Variants in CEACAM21 observed in about 807,000 individuals in gnomAD.
CEACAM21 encodes the protein cell adhesion molecule CEACAM21.
CEACAM21 carries 38 observed loss-of-function variants against 33.2 expected under a neutral mutation model. The ratio of observed to expected loss-of-function variants is 1.14; its 90% confidence interval spans 0.88 to 1.50. The LOEUF is 1.50. Ranked by LOEUF, CEACAM21 falls within the 40% of genes most tolerant of loss-of-function variation. CEACAM21 has a pLI of 0.00. For missense variants in CEACAM21, 385 were observed against 364.6 expected (o/e 1.06, Z -0.46); for synonymous variants, 156 against 143.0 (o/e 1.09, Z -0.65).
chr19:41,554,094 A>G (rs2041392599), intron 1 of CEACAM21, among the ~76,000 whole-genome samples: 1 of 152,080 alleles, frequency 6.6e-6, no homozygotes, highest in African/African-American at 2.4e-5. Context: ...GCAACGTTTT[A>G]AGCAAAAAGT....
At chr19:41,561,476 G>T (rs1312192182) in intron 1 of CEACAM21, among the ~76,000 whole-genome samples, 3 of 152,040 alleles carry the variant, frequency 2.0e-5, no homozygotes, top group Non-Finnish European at 4.4e-5. Flanking sequence ...GAGAGTCTGT[G>T]TTCATTAATA....
intron 1 of CEACAM21, among the ~76,000 whole-genome samples, chr19:41,560,327 A>T (rs975537326): frequency 2.0e-5 from 3 of 152,082 alleles, no homozygotes; most frequent in Non-Finnish European, 2.9e-5. Context: ...GGCTCAAGCA[A>T]TCCTCCTGCC....
intron 1 of CEACAM21, among the ~76,000 whole-genome samples, chr19:41,558,401 A>G (rs1437301843): frequency 6.6e-6 from 1 of 152,192 alleles, no homozygotes; most frequent in Non-Finnish European, 1.5e-5. Context: ...TAATCCTAGC[A>G]CTTTGGGAGG....
chr19:41,555,594 C>T (rs2041481830), intron 1 of CEACAM21: 2 of 151,784 alleles, frequency 1.3e-5, no homozygotes, highest in African/African-American at 2.4e-5. Flanking sequence ...AATCAAAAAT[C>T]CCGAATTTCA....
intron 1 of CEACAM21, among the ~76,000 whole-genome samples, chr19:41,556,868 A>G (rs956911183): frequency 2.0e-5 from 3 of 152,364 alleles, no homozygotes; most frequent in African/African-American, 4.8e-5. Flanking sequence ...AATGCAAGCC[A>G]TGAAATCGTT....
rs1555790959 is a variant in CEACAM21 at position 41,576,246 on chromosome 19, AGAG to A, written c.-23_-21del. The A allele has an allele frequency of 5.6e-6, 9 of 1,613,532 alleles. No homozygotes were observed. The highest frequency in any genetic ancestry group is 1.7e-4 in the Middle Eastern group (1 of 6,054). On this transcript the variant is annotated 5_prime_UTR_variant, in exon 1 of 7. Transcript: ENST00000401445. ...TCCTGGAGCCCAAGCTCCTCTCCAC[AGAG>A]GAGGACAGAGCAGGCAGCAGAGACC...
At chr19:41,551,833 G>A (rs954584282) in intron 1 of CEACAM21, 1 of 151,678 alleles carries the variant, frequency 6.6e-6, no homozygotes, top group Non-Finnish European at 1.5e-5. Flanking sequence ...AAACCGGTCA[G>A]TTGGGGAGGA....
intron 2 of CEACAM21, among the ~76,000 whole-genome samples, chr19:41,565,762 C>T (rs2068773372): frequency 6.6e-6 from 1 of 152,106 alleles, no homozygotes; most frequent in Admixed American, 6.5e-5. Context: ...AACCAGGAAT[C>T]ATAACACATT....
In CEACAM21 at chr19:41,582,262, G is replaced by A. The variant is rs2043454050; in HGVS notation, c.701-2085G>A. ...AAGAGCTGAACTCCCATAGCCTTGGGCTCCACCCCTGTGGCTTTGCAGGGT... is the reference window on the plus strand; with the variant it reads ...AAGAGCTGAACTCCCATAGCCTTGGACTCCACCCCTGTGGCTTTGCAGGGT... On this transcript the variant is annotated intron_variant, in intron 3 of 6. Coordinates refer to ENST00000401445, the MANE Select transcript of CEACAM21 (RefSeq NM_001098506.4). 2.0e-5 allele frequency among the ~76,000 whole-genome samples: 3 copies of A among 152,330 alleles called. No individual in the cohort carries two copies. The South Asian group carries it at 6.2e-4, about 32-fold the overall frequency.
At chr19:41,565,634 C>G (rs1283575794) in intron 2 of CEACAM21, 1 of 148,936 alleles carries the variant, frequency 6.7e-6, no homozygotes, top group African/African-American at 2.5e-5. Context: ...GAGGGATCTT[C>G]CCAACCATCT....
At chr19:41,563,281 T>C (rs2122181269) in intron 1 of CEACAM21, among the ~76,000 whole-genome samples, 1 of 152,278 alleles carries the variant, frequency 6.6e-6, no homozygotes, top group East Asian at 1.9e-4. Context: ...AGGACACTGA[T>C]TGCAGCAGCC....
chr19:41,574,622 C>G (rs182075683), upstream of CEACAM21, among the ~76,000 whole-genome samples: 1 of 152,016 alleles, frequency 6.6e-6, no homozygotes. Flanking sequence ...AAATGAAAAT[C>G]AAAACTGCAA....
chr19:41,570,668 G>A (rs1032059633), intron 2 of CEACAM21, among the ~76,000 whole-genome samples: 3 of 152,158 alleles, frequency 2.0e-5, no homozygotes, highest in African/African-American at 7.2e-5. Flanking sequence ...CTCCTCCCTG[G>A]GGTCCCTGAG....
chr19:41,552,118 G>T (rs1555784523), intron 1 of CEACAM21: 1 of 152,188 alleles, frequency 6.6e-6, no homozygotes, highest in Admixed American at 6.5e-5. Context: ...CTACGTGTCA[G>T]TGTGCATTTA....
Position 41,568,806 on chromosome 19 carries a change from C to T in CEACAM21, c.-404+3750C>T, listed in dbSNP as rs978565356. On this transcript the variant is annotated intron_variant, in intron 2 of 7. Transcript: ENST00000407170. ...CAGGTTTTAGGAATTTTTGTGGTTT[C>T]TAATTTTAGGATCTTCTACTTCTTC... 1.1e-4 allele frequency among the ~76,000 whole-genome samples: 16 copies of T among 152,250 alleles called. No homozygotes were observed. The South Asian group carries it at 3.3e-3, about 32-fold the overall frequency.
chr19:41,585,842 C>T lies in CEACAM21; in HGVS notation c.853C>T (p.His285Tyr), dbSNP rs1555795226. Residue 285 changes from histidine to tyrosine, a missense_variant and splice_region_variant, in exon 6 of 7, where the codon CAT (histidine) becomes TAT (tyrosine). Transcript: ENST00000401445. Reference protein sequence around the residue: ...EQQPPASTPGHGPSDSSIS With the variant: ...EQQPPASTPGYGPSDSSIS ...CTCACTTTTGTCTCTGTCCCCAGGC[C>T]ATGGACCCTCTGACAGCTCCATCTC... 6.2e-7 allele frequency: 1 copy of T among 1,612,812 alleles called. No individual in the cohort carries two copies. Among genetic ancestry groups the T allele is most frequent in the South Asian group, 1.1e-5 (1 of 90,654 alleles).
chr19:41,582,811 C>A (rs1600282971), intron 3 of CEACAM21, among the ~76,000 whole-genome samples: 1 of 152,216 alleles, frequency 6.6e-6, no homozygotes, highest in African/African-American at 2.4e-5. Context: ...GCCTCCAGTC[C>A]TGTGATGGAA....
upstream of CEACAM21, chr19:41,576,144 C>T: frequency 9.3e-7 from 1 of 1,079,104 alleles, no homozygotes; most frequent in Non-Finnish European, 1.4e-6. Context: ...GGGAAGTGCT[C>T]CTGCCTGAGA....
chr19:41,570,914 G>A (rs147762686), intron 2 of CEACAM21, among the ~76,000 whole-genome samples: 24 of 152,272 alleles, frequency 1.6e-4, no homozygotes, highest in African/African-American at 5.1e-4. Context: ...GGTGTAAGGA[G>A]GCGGGTGAAG....
Sources: allele counts gnomAD v4.1 joint callset (sites outside exome capture counted in the v4.1 genomes callset), GRCh38; gene constraint gnomAD v4.1.1; transcripts MANE v1.5; gene names NCBI Gene and HGNC (gene_info 2026-07-23, HGNC 2026-07-21).